The following COX18 variants were observed in gnomAD, a reference collection of about 807,000 sequenced individuals.
COX18 encodes cytochrome c oxidase assembly factor COX18, also known as cytochrome c oxidase assembly protein COX18, mitochondrial.
In COX18, 45 loss-of-function variants were observed where a neutral mutation model predicts 38.0. That is an observed-to-expected ratio of 1.18 (90% confidence interval 0.93 to 1.52). The LOEUF (loss-of-function observed/expected upper bound fraction) is 1.52, where lower values mean the gene tolerates loss of function less well. COX18 is among the 40% of genes most tolerant of loss of function. COX18 has a pLI of 0.00. For missense variants in COX18, 462 were observed against 423.8 expected, an observed-to-expected ratio of 1.09 and a Z score of -0.79; for synonymous variants, 177 against 169.8, an observed-to-expected ratio of 1.04 and a Z score of -0.33.
rs1719806781 is a variant in COX18, at chr4:73,053,885, T to C, written c.*4229A>G. 1 of 152,264 alleles carries C rather than the reference T, an allele frequency of 6.6e-6. No individual in the cohort carries two copies. Among genetic ancestry groups the C allele is most frequent in the Non-Finnish European group, 1.5e-5 (1 of 68,060 alleles). The allele number at this position is 152,264 out of a possible 1,614,324, so 9.4% of individuals were successfully genotyped here. A position where few individuals can be genotyped will look rare whatever the true frequency, so the allele number is the denominator to read the frequency against. On this transcript the variant is annotated 3_prime_UTR_variant, in exon 6 of 6. Transcript: ENST00000507544. Reference sequence around the variant, plus strand: ...AAAAGTAATTTGGGATCATTTCAGATACGCCAATTCTATCTATTAATATAC... The same window carrying C: ...AAAAGTAATTTGGGATCATTTCAGACACGCCAATTCTATCTATTAATATAC...
intron 2 of COX18, among the ~76,000 whole-genome samples, chr4:73,066,831 G>A (rs1266889174): frequency 6.6e-6 from 1 of 152,134 alleles, no homozygotes; most frequent in African/African-American, 2.4e-5. Context: ...TAAAATGTCA[G>A]ATCTTTTTAA....
At chr4:73,062,846 AAAG>A (rs1720243680) in intron 4 of COX18, among the ~76,000 whole-genome samples, 1 of 148,196 alleles carries the variant, frequency 6.7e-6, no homozygotes, top group Non-Finnish European at 1.5e-5. Context: ...AAAAAAAAGA[AAAG>A]AAGGAAAAAA....
rs1720671911 is a variant in COX18, at chr4:73,069,622, G to A, written c.28C>T (p.Leu10=). Residue 10 remains leucine (L), a synonymous_variant, in exon 1 of 6, where the codon CTG becomes TTG. Coordinates refer to ENST00000507544, the MANE Select transcript of COX18 (RefSeq NM_001297732.2). MLCRLGGRW[L]RPLPALQLWA... ...AGCTGCAGGGCAGGGAGCGGCCGCA[G>A]CCACCGACCGCCGAGCCGGCACAGC... 2 of 1,548,920 alleles carry A rather than the reference G, an allele frequency of 1.3e-6. No homozygotes were observed. The highest frequency in any genetic ancestry group is 1.7e-6 in the Non-Finnish European group (2 of 1,151,856).
At chr4:73,065,223 C>A in intron 3 of COX18, 27 bp downstream of exon 3, 9 of 1,091,300 alleles carry the variant, frequency 8.2e-6, no homozygotes, top group East Asian at 7.0e-5. Flanking sequence ...TAGAGAACTT[C>A]TTTGGGAGAA....
At chr4:73,066,160 A>G (rs1720437448) in intron 2 of COX18, among the ~76,000 whole-genome samples, 1 of 152,226 alleles carries the variant, frequency 6.6e-6, no homozygotes, top group Non-Finnish European at 1.5e-5. Context: ...GTACACAAAG[A>G]CATTCTAGGT....
chr4:73,061,501 G>A (rs1309758697), intron 5 of COX18, among the ~76,000 whole-genome samples: 2 of 151,924 alleles, frequency 1.3e-5, no homozygotes, highest in Admixed American at 6.6e-5. Context: ...AAGGTCAGGA[G>A]ATCGAGACCA....
rs1223213310 is a variant in COX18, at chr4:73,053,040, C to T, written c.*5074G>A. Reference sequence around the variant, plus strand: ...GCAAAATATAAGCAGATTATGCGTCCAATAAAAAAAAAATAGGAACAAAAC... The same window carrying T: ...GCAAAATATAAGCAGATTATGCGTCTAATAAAAAAAAAATAGGAACAAAAC... On this transcript the variant is annotated 3_prime_UTR_variant, in exon 6 of 6. Transcript: ENST00000507544. The T allele has an allele frequency of 4.2e-5, 5 of 117,836 alleles. No individual in the cohort carries two copies. Among genetic ancestry groups the T allele is most frequent in the South Asian group, 2.4e-4 (1 of 4,102 alleles). The allele number at this position is 117,836 out of a possible 1,614,324, so 7.3% of individuals were successfully genotyped here. A position where few individuals can be genotyped will look rare whatever the true frequency, so the allele number is the denominator to read the frequency against.
chr4:73,069,167 T>C (rs1720621633), intron 1 of COX18, 150 bp downstream of exon 1: 1 of 623,804 alleles, frequency 1.6e-6, no homozygotes, highest in Non-Finnish European at 2.7e-6. Flanking sequence ...TTTTTAACGC[T>C]AAAATGGTCA....
chr4:73,060,033 G>T (rs1720072118), intron 5 of COX18, among the ~76,000 whole-genome samples: 1 of 152,204 alleles, frequency 6.6e-6, no homozygotes, highest in Admixed American at 6.5e-5. Context: ...GACTGCACTT[G>T]AGGCACCCTT....
Position 73,061,870 on chromosome 4 carries a change from C to T in COX18, c.774G>A (p.Thr258=), listed in dbSNP as rs142618670. 223 of 1,613,640 alleles carry T rather than the reference C, an allele frequency of 1.4e-4. No individual in the cohort carries two copies. The highest frequency in any genetic ancestry group is 2.2e-4 in the East Asian group (10 of 44,874). Reference sequence around the variant, plus strand: ...ACACCGACATTGCACGGACAAAGTACGTAATATACGTCTGAAAACGAGACA... The same window carrying T: ...ACACCGACATTGCACGGACAAAGTATGTAATATACGTCTGAAAACGAGACA... ...IGMSRFQTYI[T]YFVRAMSVLM... Residue 258 remains threonine (T), a synonymous_variant, in exon 5 of 6, where the codon ACG becomes ACA. Coordinates refer to ENST00000507544, the MANE Select transcript of COX18 (RefSeq NM_001297732.2).
In COX18 at chr4:73,068,067, A is replaced by T; in HGVS notation, c.396T>A (p.Val132=). The change falls in exon 2 of 6, where the codon GTT becomes GTA. Residue 132 remains valine, a synonymous_variant. Transcript: ENST00000507544. The part of the protein sequence containing the change: ...IARHLNQEVA[V]RANQLGWSKR... Reference sequence around the variant, plus strand: ...TGGACCACCCCAACTGATTTGCACGAACTGCAACTTCTTGGTTAAGATGCC... The same window carrying T: ...TGGACCACCCCAACTGATTTGCACGTACTGCAACTTCTTGGTTAAGATGCC... The T allele has an allele frequency of 6.2e-7, 1 of 1,611,414 alleles. No homozygotes were observed. The highest frequency in any genetic ancestry group is 8.5e-7 in the Non-Finnish European group (1 of 1,179,262).
At chr4:73,067,864 A>AAAAAAAAAAAATAT in intron 2 of COX18, among the ~76,000 whole-genome samples, 165 bp downstream of exon 2, 4 of 20,020 alleles carry the variant, frequency 2.0e-4, no homozygotes, top group African/African-American at 2.7e-4. Context: ...AAAAAAAAAA[A>AAAAAAAAAAAATAT]ATATATATAT....
chr4:73,065,467 C>A, intron 2 of COX18, 54 bp from the exon 3 acceptor site: 1 of 1,491,412 alleles, frequency 6.7e-7, no homozygotes, highest in Non-Finnish European at 9.2e-7. Flanking sequence ...ATCTAAGAAT[C>A]GTGCTTTATT....
intron 2 of COX18, among the ~76,000 whole-genome samples, chr4:73,065,674 G>A (rs1423854816): frequency 6.6e-6 from 1 of 151,942 alleles, no homozygotes; most frequent in Non-Finnish European, 1.5e-5. Flanking sequence ...GGTGGTCTTT[G>A]GCTGATTAGG....
chr4:73,060,499 C>T (rs1720096496), intron 5 of COX18, among the ~76,000 whole-genome samples: 1 of 152,136 alleles, frequency 6.6e-6, no homozygotes, highest in Admixed American at 6.5e-5. Context: ...CAAACTTATT[C>T]TGCATAGGAT....
At position 73,058,288 on chromosome 4, in the gene COX18, C is replaced by A. The variant is rs1444064713; in HGVS notation, c.832-1G>T. The A allele has an allele frequency of 1.3e-6, 2 of 1,594,818 alleles. No individual in the cohort carries two copies. The highest frequency in any genetic ancestry group is 4.5e-5 in the East Asian group (2 of 44,584). ...AGCATAACCAGTAGAGAACAATTGA[C>A]TATAAAGAGAAGACATAAATGTTAG... On this transcript the variant is annotated splice_acceptor_variant, in intron 5 of 5. Transcript: ENST00000507544. LOFTEE classifies it high-confidence loss of function.
At chr4:73,067,864 A>AAAAAAATATAAATAT in intron 2 of COX18, among the ~76,000 whole-genome samples, 165 bp downstream of exon 2, 1 of 20,024 alleles carries the variant, frequency 5.0e-5, no homozygotes, top group Non-Finnish European at 1.6e-4. Context: ...AAAAAAAAAA[A>AAAAAAATATAAATAT]ATATATATAT....
At position 73,068,092 on chromosome 4, in the gene COX18, C is replaced by T; in HGVS notation, c.371G>A (p.Arg124Lys). Reference protein sequence around the residue: ...NLQPEIKTIARHLNQEVAVRA... With the variant: ...NLQPEIKTIAKHLNQEVAVRA... ...AACTGCAACTTCTTGGTTAAGATGC[C>T]TGGCAATAGTTTTTATTTCTGGCTG... The change falls in exon 2 of 6, where the codon AGG (arginine) becomes AAG (lysine). Residue 124 changes from arginine to lysine, a missense_variant. Arg to Lys is a conservative substitution (Grantham distance 26). Coordinates refer to ENST00000507544, the MANE Select transcript of COX18 (RefSeq NM_001297732.2). The T allele has an allele frequency of 6.2e-7, 1 of 1,608,616 alleles. No homozygotes were observed. The highest frequency in any genetic ancestry group is 8.5e-7 in the Non-Finnish European group (1 of 1,178,394).
chr4:73,057,931 C>G lies in COX18; in HGVS notation c.*183G>C, dbSNP rs1009661688. 2.8e-6 allele frequency: 1 copy of G among 361,400 alleles called. No individual in the cohort carries two copies. Among genetic ancestry groups the G allele is most frequent in the Non-Finnish European group, 5.1e-6 (1 of 195,670 alleles). 22.4% of individuals were successfully genotyped at this position (361,400 alleles called of 1,614,324 possible). The stretch of plus-strand genomic sequence containing the variant: ...AGGTGATCCACCCACCTCGACCTCC[C>G]AAAGTGCTGGGATTACAGGCATGAG... On this transcript the variant is annotated 3_prime_UTR_variant, in exon 6 of 6. Coordinates refer to ENST00000507544, the MANE Select transcript of COX18 (RefSeq NM_001297732.2).
Sources: gnomAD v4.1 joint callset for allele counts (sites outside exome capture counted in the v4.1 genomes callset) on GRCh38, gnomAD v4.1.1 for gene constraint, MANE v1.5 for transcripts, NCBI Gene and HGNC (gene_info 2026-07-23, HGNC 2026-07-21) for gene names.